Variants in GSTCD observed in about 807,000 individuals in gnomAD.
The protein encoded by GSTCD is glutathione S-transferase C-terminal domain containing, also known as glutathione S-transferase C-terminal domain-containing protein.
GSTCD carries 44 observed loss-of-function variants against 68.3 expected under a neutral mutation model. The ratio of observed to expected loss-of-function variants is 0.64; its 90% confidence interval spans 0.51 to 0.83. The LOEUF is 0.83. Among genes scored for constraint, GSTCD ranks in the 40% least tolerant of loss-of-function variants. The pLI, the probability that GSTCD is intolerant of heterozygous loss-of-function variation, is 0.00. For missense variants in GSTCD, 739 were observed against 735.9 expected (o/e 1.00, Z -0.05); for synonymous variants, 273 against 255.2 (o/e 1.07, Z -0.67).
chr4:105,829,669 C>T (rs967226718), intron 8 of GSTCD, among the ~76,000 whole-genome samples: 3 of 152,094 alleles, frequency 2.0e-5, no homozygotes, highest in Non-Finnish European at 4.4e-5. Context: ...CACTGGGTCC[C>T]TTCCATGACA....
chr4:105,738,347 C>A (rs1220776875), intron 5 of GSTCD, among the ~76,000 whole-genome samples: 1 of 152,088 alleles, frequency 6.6e-6, no homozygotes, highest in African/African-American at 2.4e-5. Context: ...GTTCCTTTTG[C>A]TCAGGATTGC....
At chr4:105,721,037 T>G (rs750234891) in intron 3 of GSTCD, among the ~76,000 whole-genome samples, 3 of 151,954 alleles carry the variant, frequency 2.0e-5, no homozygotes, top group Non-Finnish European at 4.4e-5. Flanking sequence ...AGTGGTGTAA[T>G]CGCAGCTCAC....
At chr4:105,781,923 T>A (rs1356302737) in intron 5 of GSTCD, among the ~76,000 whole-genome samples, 2 of 152,110 alleles carry the variant, frequency 1.3e-5, no homozygotes, top group East Asian at 3.9e-4. Flanking sequence ...ATAGCATGTC[T>A]GTGTGGGGTA....
intron 5 of GSTCD, among the ~76,000 whole-genome samples, chr4:105,819,533 T>C (rs1160136161): frequency 1.3e-5 from 2 of 151,782 alleles, no homozygotes; most frequent in South Asian, 2.1e-4. Flanking sequence ...ATCTTACTTA[T>C]TGTTCCAAGC....
intron 5 of GSTCD, among the ~76,000 whole-genome samples, chr4:105,768,178 C>T (rs1334914796): frequency 6.6e-6 from 1 of 151,996 alleles, no homozygotes; most frequent in Non-Finnish European, 1.5e-5. Context: ...CAGGCGCCCA[C>T]CACCACGCCC....
intron 5 of GSTCD, among the ~76,000 whole-genome samples, chr4:105,748,081 C>A (rs1733871507): frequency 6.6e-6 from 1 of 151,838 alleles, no homozygotes; most frequent in Non-Finnish European, 1.5e-5. Context: ...AAGGTAAAAC[C>A]CCGTCTCAAC....
At chr4:105,803,852 G>A (rs991981479) in intron 5 of GSTCD, among the ~76,000 whole-genome samples, 1 of 152,026 alleles carries the variant, frequency 6.6e-6, no homozygotes, top group African/African-American at 2.4e-5. Flanking sequence ...ACATATCTAT[G>A]TGGTAAAACT....
chr4:105,760,941 G>A, intron 5 of GSTCD: 1 of 316,218 alleles, frequency 3.2e-6, no homozygotes, highest in South Asian at 2.6e-5. Context: ...CATGATCTCA[G>A]AACTCCTGGA....
chr4:105,758,217 C>T (rs1026555224), intron 5 of GSTCD, among the ~76,000 whole-genome samples: 2 of 152,162 alleles, frequency 1.3e-5, no homozygotes, highest in African/African-American at 2.4e-5. Flanking sequence ...TTATCATTAT[C>T]GCAGATAACA....
chr4:105,814,804 C>T (rs998692154), intron 5 of GSTCD, among the ~76,000 whole-genome samples: 6 of 152,000 alleles, frequency 3.9e-5, no homozygotes, highest in African/African-American at 1.4e-4. Context: ...TTTTTCTTTC[C>T]ACCATCCCTT....
intron 5 of GSTCD, among the ~76,000 whole-genome samples, chr4:105,781,654 G>T (rs1735277585): frequency 6.6e-6 from 1 of 152,008 alleles, no homozygotes; most frequent in South Asian, 2.1e-4. Flanking sequence ...GCAAGAAAAA[G>T]TGAAAATACA....
At position 105,728,233 on chromosome 4, in the gene GSTCD, T is replaced by C. The variant is rs547899693; in HGVS notation, c.1147-1173T>C. On this transcript the variant is annotated intron_variant, in intron 4 of 11. Coordinates refer to ENST00000515279, the MANE Select transcript of GSTCD (RefSeq NM_001370181.1). Reference sequence around the variant, plus strand: ...TAGATAGTGGCAATGATTGAACAATTGTGAATATTATAAAAACCACTGAAT... The same window carrying C: ...TAGATAGTGGCAATGATTGAACAATCGTGAATATTATAAAAACCACTGAAT... Among the ~76,000 whole-genome samples, 94 of 152,264 alleles carry C rather than the reference T, an allele frequency of 6.2e-4. 3 individuals carry two copies. The South Asian group carries it at 0.019, about 30-fold the overall frequency.
intron 3 of GSTCD, among the ~76,000 whole-genome samples, chr4:105,725,408 C>T (rs1732998429): frequency 6.6e-6 from 1 of 152,058 alleles, no homozygotes; most frequent in African/African-American, 2.4e-5. Context: ...TAAGGAACTA[C>T]CAAACTGTCT....
At chr4:105,738,837 C>T (rs1578424208) in intron 5 of GSTCD, among the ~76,000 whole-genome samples, 1 of 152,246 alleles carries the variant, frequency 6.6e-6, no homozygotes, top group Non-Finnish European at 1.5e-5. Flanking sequence ...ATTTCTCTTG[C>T]CTAATTGCTC....
At chr4:105,818,439 A>T (rs1286990049) in intron 5 of GSTCD, among the ~76,000 whole-genome samples, 1 of 151,894 alleles carries the variant, frequency 6.6e-6, no homozygotes, top group Admixed American at 6.6e-5. Context: ...GGTGTGAGAA[A>T]TTCAAAGAAA....
chr4:105,833,069 C>T (rs1723964764), intron 8 of GSTCD, among the ~76,000 whole-genome samples: 1 of 152,142 alleles, frequency 6.6e-6, no homozygotes, highest in African/African-American at 2.4e-5. Context: ...AGGAGGAATT[C>T]AGGAGGAGGA....
intron 5 of GSTCD, among the ~76,000 whole-genome samples, chr4:105,789,293 C>T (rs1431043682): frequency 6.6e-6 from 1 of 152,042 alleles, no homozygotes; most frequent in Non-Finnish European, 1.5e-5. Flanking sequence ...GTGGTTTATA[C>T]AGCGAGTATT....
intron 5 of GSTCD, among the ~76,000 whole-genome samples, chr4:105,820,217 C>T (rs1723219867): frequency 1.3e-5 from 2 of 151,358 alleles, no homozygotes; most frequent in South Asian, 4.2e-4. Flanking sequence ...AAAATTGGCT[C>T]CTTTACCTCT....
At chr4:105,729,523 T>G in intron 5 of GSTCD, 24 bp downstream of exon 5, 1 of 1,491,028 alleles carries the variant, frequency 6.7e-7, no homozygotes, top group Non-Finnish European at 9.3e-7. Flanking sequence ...TTTCTTTAAG[T>G]TTTATTCATA....
Sources: gnomAD v4.1 joint callset for allele counts (sites outside exome capture counted in the v4.1 genomes callset) on GRCh38, gnomAD v4.1.1 for gene constraint, MANE v1.5 for transcripts, NCBI Gene and HGNC (gene_info 2026-07-23, HGNC 2026-07-21) for gene names.